Variants in ANO3 observed in about 807,000 individuals in gnomAD.
The protein encoded by ANO3 is anoctamin 3.
A neutral mutation model predicts 144.8 loss-of-function variants in ANO3; 99 were observed. The ratio of observed to expected loss-of-function variants is 0.68; its 90% confidence interval spans 0.58 to 0.81. ANO3 has a LOEUF of 0.81. ANO3 is among the 30% of genes least tolerant of loss of function. ANO3 has a pLI of 0.00. For synonymous variants in ANO3, 414 were observed against 392.6 expected (o/e 1.05, Z -0.64); for missense variants, 905 against 1,202.2 (o/e 0.75, Z 3.66).
chr11:26,289,347 G>T (rs1333239636), intron 1 of ANO3, among the ~76,000 whole-genome samples: 1 of 151,386 alleles, frequency 6.6e-6, no homozygotes, highest in Non-Finnish European at 1.5e-5. Flanking sequence ...AATACTCATG[G>T]TGAACTTTGG....
In ANO3 at chr11:26,463,142, A is replaced by G; in HGVS notation, c.426A>G (p.Leu142=). ...ATAAATCTGAATTCAAGACAAAATT[A>G]TCTAAGGTAATGAGAACTAAATTAT... ...IKDKSEFKTK[L]SKNDMNYIAS... is the part of the protein sequence containing the mutation. Residue 142 remains leucine, a synonymous_variant, in exon 4 of 27, where the codon TTA becomes TTG. Transcript: ENST00000256737. 6.7e-7 allele frequency: 1 copy of G among 1,503,476 alleles called. No homozygotes were observed. The highest frequency in any genetic ancestry group is 9.1e-7 in the Non-Finnish European group (1 of 1,093,234). The allele number at this position is 1,503,476 out of a possible 1,614,324, so 93.1% of individuals were successfully genotyped here.
At chr11:26,410,814 C>A (rs547572966) in intron 1 of ANO3, among the ~76,000 whole-genome samples, 1 of 152,086 alleles carries the variant, frequency 6.6e-6, no homozygotes, top group East Asian at 1.9e-4. Context: ...AATTTTGAAG[C>A]AGAGGAATGA....
intron 1 of ANO3, among the ~76,000 whole-genome samples, chr11:26,245,846 C>T (rs768746648): frequency 2.6e-5 from 4 of 152,158 alleles, no homozygotes; most frequent in Non-Finnish European, 5.9e-5. Context: ...GCTTGAAGAA[C>T]ATACGATGGC....
At chr11:26,586,354 C>CT (rs143903766) in intron 14 of ANO3, among the ~76,000 whole-genome samples, 1,469 of 125,594 alleles carry the variant, frequency 0.012, 31 homozygotes, top group African/African-American at 0.041. Flanking sequence ...CTCCTGTATT[C>CT]TTTTTTTTTT....
At chr11:26,599,404 T>C in intron 16 of ANO3, 146 bp from the exon 17 acceptor site, 1 of 869,426 alleles carries the variant, frequency 1.2e-6, no homozygotes, top group Non-Finnish European at 1.7e-6. Flanking sequence ...ATAACTTCCT[T>C]AAAGGAGAAA....
At chr11:26,641,213 C>T (rs866390937) in intron 21 of ANO3, among the ~76,000 whole-genome samples, 17 of 60,570 alleles carry the variant, frequency 2.8e-4, no homozygotes, top group African/African-American at 5.0e-4. Flanking sequence ...AGCAGACTCA[C>T]GGACACAGAC....
chr11:26,265,305 G>T (rs1278397703), intron 1 of ANO3, among the ~76,000 whole-genome samples: 2 of 152,196 alleles, frequency 1.3e-5, no homozygotes, highest in East Asian at 3.9e-4. Context: ...ACCCAGTAGG[G>T]TTATCACCTG....
chr11:26,417,274 G>A (rs575398102), intron 1 of ANO3, among the ~76,000 whole-genome samples: 56 of 152,120 alleles, frequency 3.7e-4, no homozygotes, highest in African/African-American at 1.3e-3. Flanking sequence ...CAAAAAGACT[G>A]GACACAACCC....
chr11:26,380,912 G>A (rs780771525), intron 1 of ANO3, among the ~76,000 whole-genome samples: 2 of 152,104 alleles, frequency 1.3e-5, no homozygotes, highest in Non-Finnish European at 2.9e-5. Flanking sequence ...AACCCAGGAG[G>A]TGTAGGTTGT....
intron 10 of ANO3, 104 bp from the exon 11 acceptor site, chr11:26,541,843 T>C: frequency 9.1e-7 from 1 of 1,098,022 alleles, no homozygotes; most frequent in South Asian, 2.2e-5. Context: ...TTTTGAAGCT[T>C]TCAATAAGTT....
At chr11:26,629,788 C>T (rs779849617) in intron 18 of ANO3, among the ~76,000 whole-genome samples, 5 of 151,998 alleles carry the variant, frequency 3.3e-5, no homozygotes, top group Non-Finnish European at 5.9e-5. Flanking sequence ...TGCACCTCCA[C>T]GCCTGGCTAA....
chr11:26,634,161 C>T, intron 18 of ANO3, 43 bp from the exon 19 acceptor site: 2 of 1,210,382 alleles, frequency 1.7e-6, no homozygotes, highest in East Asian at 4.7e-5. Context: ...TCTTGATATT[C>T]ACCTCACCTC....
intron 1 of ANO3, among the ~76,000 whole-genome samples, chr11:26,203,508 T>C (rs2133914429): frequency 6.6e-6 from 1 of 152,114 alleles, no homozygotes; most frequent in South Asian, 2.1e-4. Flanking sequence ...TACACAAAGA[T>C]CAATAAACTA....
intron 17 of ANO3, among the ~76,000 whole-genome samples, chr11:26,615,007 A>G (rs1170797549): frequency 1.3e-5 from 2 of 151,478 alleles, no homozygotes; most frequent in African/African-American, 4.8e-5. Flanking sequence ...ATTCTATTCT[A>G]TTTATATTAT....
At chr11:26,549,876 T>G (rs1373401992) in intron 12 of ANO3, among the ~76,000 whole-genome samples, 1 of 151,908 alleles carries the variant, frequency 6.6e-6, no homozygotes, top group Admixed American at 6.6e-5. Context: ...GAAATTAATG[T>G]GGTTCTCAAT....
chr11:26,375,447 A>G (rs987849491), intron 1 of ANO3, among the ~76,000 whole-genome samples: 2 of 152,180 alleles, frequency 1.3e-5, no homozygotes, highest in African/African-American at 4.8e-5. Context: ...CCAGAAATTT[A>G]TTCATCTACA....
chr11:26,549,450 T>G (rs1849873778), intron 12 of ANO3, among the ~76,000 whole-genome samples: 1 of 151,966 alleles, frequency 6.6e-6, no homozygotes, highest in Admixed American at 6.6e-5. Flanking sequence ...GAGCAAGCTT[T>G]TATTTTGTGT....
intron 3 of ANO3, among the ~76,000 whole-genome samples, chr11:26,462,147 A>G (rs978050024): frequency 1.3e-5 from 2 of 151,984 alleles, no homozygotes; most frequent in Admixed American, 1.3e-4. Context: ...CCTCTGTACA[A>G]TAAGTTGACT....
intron 14 of ANO3, among the ~76,000 whole-genome samples, chr11:26,579,211 A>G (rs1229380744): frequency 6.6e-6 from 1 of 152,240 alleles, no homozygotes; most frequent in Non-Finnish European, 1.5e-5. Context: ...GCAGGTAATT[A>G]GAAAATCCTG....
Sources: allele counts gnomAD v4.1 joint callset (sites outside exome capture counted in the v4.1 genomes callset), GRCh38; gene constraint gnomAD v4.1.1; transcripts MANE v1.5; gene names NCBI Gene and HGNC (gene_info 2026-07-23, HGNC 2026-07-21).